The following CDCP1 variants were observed in gnomAD, a reference collection of about 807,000 sequenced individuals.
The protein encoded by CDCP1 is CUB domain-containing protein 1.
In CDCP1, 29 loss-of-function variants were observed where a neutral mutation model predicts 60.2. The ratio of observed to expected loss-of-function variants is 0.48; its 90% confidence interval spans 0.36 to 0.66. CDCP1 has a LOEUF of 0.66. Among genes scored for constraint, CDCP1 ranks in the 30% least tolerant of loss-of-function variants. The probability of loss-of-function intolerance (pLI) is 0.00; values close to 1 mark genes in which losing one functional copy is unlikely to be tolerated. For missense variants in CDCP1, 876 were observed against 1,074.3 expected, an observed-to-expected ratio of 0.82 and a Z score of 2.58; for synonymous variants, 387 against 431.1, an observed-to-expected ratio of 0.90 and a Z score of 1.27.
At chr3:45,144,507 G>A (rs1699347209) in intron 1 of CDCP1, among the ~76,000 whole-genome samples, 1 of 152,190 alleles carries the variant, frequency 6.6e-6, no homozygotes, top group South Asian at 2.1e-4. Context: ...CCATGAGACA[G>A]GGCTCAGCCA....
intron 1 of CDCP1, among the ~76,000 whole-genome samples, chr3:45,137,802 A>C (rs1699214503): frequency 2.6e-5 from 1 of 38,642 alleles, no homozygotes. Flanking sequence ...CCTGGGCAAC[A>C]GAAAAAAAAA....
intron 4 of CDCP1, 25 bp downstream of exon 4, chr3:45,110,448 A>G (rs757967927): frequency 1.2e-6 from 2 of 1,609,816 alleles, no homozygotes; most frequent in Non-Finnish European, 1.7e-6. Flanking sequence ...GAGGAGGAAG[A>G]AAAAGGAAAG....
At chr3:45,104,091 A>G (rs1698525704) in intron 4 of CDCP1, among the ~76,000 whole-genome samples, 2 of 152,162 alleles carry the variant, frequency 1.3e-5, no homozygotes, top group South Asian at 4.1e-4. Context: ...TAGCTATTCT[A>G]GTGGGTGTGA....
intron 4 of CDCP1, among the ~76,000 whole-genome samples, chr3:45,108,946 TATATA>T: frequency 1.6e-5 from 1 of 62,336 alleles, no homozygotes; most frequent in African/African-American, 5.2e-5. Context: ...CATATATATA[TATATA>T]TATTTTTTTT....
In CDCP1 at chr3:45,085,807, G is replaced by A. The variant is rs537258695; in HGVS notation, c.2342C>T (p.Ser781Phe). ...GGCCAACTTTGCAGTTGGGGCCCTG[G>A]AGCATATGGTGGGTGGGGAGGGAGG... ...VCPPSPPTICSRAPTAKLATE... is the reference protein window; with the variant it reads ...VCPPSPPTICFRAPTAKLATE... The change falls in exon 9 of 9, where the codon TCC becomes TTC. Residue 781 changes from serine to phenylalanine, a missense_variant. Physicochemically the swap from Ser to Phe is radical, Grantham distance 155. Coordinates refer to ENST00000296129, the MANE Select transcript of CDCP1 (RefSeq NM_022842.5). This position sits in a 1 kb window ranked among gnomAD's most constrained non-coding sequence, Gnocchi z 4.2. The A allele has an allele frequency of 6.2e-7, 1 of 1,614,166 alleles. No homozygotes were observed. The highest frequency in any genetic ancestry group is 1.7e-5 in the Admixed American group (1 of 60,030).
At chr3:45,098,867 T>C (rs1054030890) in intron 4 of CDCP1, among the ~76,000 whole-genome samples, 2 of 152,222 alleles carry the variant, frequency 1.3e-5, no homozygotes, top group African/African-American at 4.8e-5. Flanking sequence ...TTAGTTTCTA[T>C]GTACTTATCA....
chr3:45,112,034 G>C, intron 3 of CDCP1, 49 bp downstream of exon 3: 1 of 1,579,656 alleles, frequency 6.3e-7, no homozygotes, highest in Non-Finnish European at 8.6e-7. Context: ...GAACAATGAT[G>C]ATCTTGTGTG....
chr3:45,111,871 G>C (rs1463080423), intron 3 of CDCP1, among the ~76,000 whole-genome samples: 1 of 152,112 alleles, frequency 6.6e-6, no homozygotes, highest in African/African-American at 2.4e-5. Context: ...CATGCAAAAA[G>C]GACAAAGAGA....
In CDCP1 at chr3:45,085,516, G is replaced by A. The variant is rs1698172432; in HGVS notation, c.*122C>T. On this transcript the variant is annotated 3_prime_UTR_variant, in exon 9 of 9. Transcript: ENST00000296129. This position sits in a 1 kb window ranked among gnomAD's most constrained non-coding sequence, Gnocchi z 4.2. Reference sequence around the variant, plus strand: ...GCAATGTGAAGTTGGCGGTGTCCAGGAAAACCTCCTGCTGTTCCTTCTGTA... The same window carrying A: ...GCAATGTGAAGTTGGCGGTGTCCAGAAAAACCTCCTGCTGTTCCTTCTGTA... The A allele has an allele frequency of 6.6e-6, 7 of 1,062,770 alleles. No individual in the cohort carries two copies. The highest frequency in any genetic ancestry group is 6.2e-5 in the South Asian group (4 of 64,074). The allele number at this position is 1,062,770 out of a possible 1,614,324, so 65.8% of individuals were successfully genotyped here. A position where few individuals can be genotyped will look rare whatever the true frequency, so the allele number is the denominator to read the frequency against.
At chr3:45,141,552 A>T (rs1699290718) in intron 1 of CDCP1, among the ~76,000 whole-genome samples, 1 of 152,274 alleles carries the variant, frequency 6.6e-6, no homozygotes, top group Non-Finnish European at 1.5e-5. Flanking sequence ...GATGTTAATC[A>T]GAAGATGCTT....
intron 4 of CDCP1, among the ~76,000 whole-genome samples, chr3:45,103,887 A>G (rs750705673): frequency 4.6e-5 from 7 of 152,228 alleles, no homozygotes; most frequent in Non-Finnish European, 1.0e-4. Context: ...TTCTTTATAA[A>G]TTACCTAGTC....
chr3:45,091,146 G>C lies in CDCP1; in HGVS notation c.1993+27C>G. Reference sequence around the variant, plus strand: ...AGCTGACAATTTTTTGTTCATCACTGTCCCCAAAGACCCTGAAGGCCCTTA... The same window carrying C: ...AGCTGACAATTTTTTGTTCATCACTCTCCCCAAAGACCCTGAAGGCCCTTA... On this transcript the variant is annotated intron_variant, in intron 7 of 8. Coordinates refer to ENST00000296129, the MANE Select transcript of CDCP1 (RefSeq NM_022842.5). The surrounding 1 kb of genome is among the most constrained non-coding windows in gnomAD (Gnocchi z 4.8). 6.3e-7 allele frequency: 1 copy of C among 1,588,750 alleles called. No homozygotes were observed. The highest frequency in any genetic ancestry group is 8.6e-7 in the Non-Finnish European group (1 of 1,165,358).
intron 2 of CDCP1, among the ~76,000 whole-genome samples, chr3:45,117,995 A>G (rs1315849189): frequency 6.6e-6 from 1 of 152,116 alleles, no homozygotes; most frequent in Non-Finnish European, 1.5e-5. Flanking sequence ...TGTCTTCCGT[A>G]TCAGCCAGAT....
At chr3:45,089,259 G>GGC in intron 7 of CDCP1, 118 bp from the exon 8 acceptor site, 2 of 739,538 alleles carry the variant, frequency 2.7e-6, no homozygotes, top group Non-Finnish European at 2.4e-6. Flanking sequence ...CCATACATGT[G>GGC]GCTCCTTGTG....
chr3:45,105,791 A>G (rs1273384420), intron 4 of CDCP1, among the ~76,000 whole-genome samples: 7 of 152,228 alleles, frequency 4.6e-5, no homozygotes, highest in Non-Finnish European at 8.8e-5. Flanking sequence ...AGAGAGAAAC[A>G]GGCTGCCTGG....
intron 4 of CDCP1, among the ~76,000 whole-genome samples, chr3:45,101,684 C>T (rs1698486581): frequency 6.6e-6 from 1 of 152,028 alleles, no homozygotes; most frequent in Non-Finnish European, 1.5e-5. Flanking sequence ...GTGAGGAGTT[C>T]GAGACCAGCC....
At chr3:45,095,956 CTAAA>C (rs1376040480) in intron 4 of CDCP1, among the ~76,000 whole-genome samples, 2 of 152,156 alleles carry the variant, frequency 1.3e-5, no homozygotes, top group African/African-American at 2.4e-5. Context: ...ATATAAATGA[CTAAA>C]TATTTAAAAT....
At chr3:45,140,540 T>C (rs1315197428) in intron 1 of CDCP1, among the ~76,000 whole-genome samples, 1 of 152,184 alleles carries the variant, frequency 6.6e-6, no homozygotes, top group African/African-American at 2.4e-5. Flanking sequence ...CCGAGCTGGG[T>C]TCTGGAGTCA....
chr3:45,124,079 C>T (rs1698932941), intron 1 of CDCP1, among the ~76,000 whole-genome samples: 1 of 152,144 alleles, frequency 6.6e-6, no homozygotes, highest in South Asian at 2.1e-4. Flanking sequence ...CCTGGGCAGG[C>T]AGGGTTGGGG....
Sources: gnomAD v4.1 joint callset for allele counts (sites outside exome capture counted in the v4.1 genomes callset) on GRCh38, gnomAD v4.1.1 for gene constraint, Gnocchi (gnomAD v3.1) non-coding constraint, MANE v1.5 for transcripts, NCBI Gene and HGNC (gene_info 2026-07-23, HGNC 2026-07-21) for gene names.